PARPBP: variants seen among roughly 807,000 people sequenced by gnomAD.
The protein encoded by PARPBP is PCNA-interacting partner.
A neutral mutation model predicts 50.0 loss-of-function variants in PARPBP; 52 were observed. That is an observed-to-expected ratio of 1.04 (90% confidence interval 0.83 to 1.31). The LOEUF (loss-of-function observed/expected upper bound fraction) is 1.31, where lower values mean the gene tolerates loss of function less well. PARPBP is among the 50% of genes most tolerant of loss of function. The pLI is 0.00. For synonymous variants in PARPBP, 244 were observed against 232.1 expected, an observed-to-expected ratio of 1.05 and a Z score of -0.47; for missense variants, 697 against 672.0, an observed-to-expected ratio of 1.04 and a Z score of -0.41.
chr12:102,186,151 A>C (rs958917113), intron 9 of PARPBP, among the ~76,000 whole-genome samples: 1 of 152,070 alleles, frequency 6.6e-6, no homozygotes, highest in African/African-American at 2.4e-5. Context: ...CTGCAATATT[A>C]GTTGTAATGT....
intron 3 of PARPBP, chr12:102,151,565 G>T (rs973460775): frequency 1.1e-5 from 17 of 1,533,574 alleles, no homozygotes; most frequent in Non-Finnish European, 1.4e-5. Flanking sequence ...TGATCTACCT[G>T]GCAGGGGTCA....
chr12:102,148,337 T>A lies in PARPBP; in HGVS notation c.261T>A (p.His87Gln), dbSNP rs773864586. The A allele has an allele frequency of 1.1e-5, 17 of 1,593,772 alleles. No individual in the cohort carries two copies. The highest frequency in any genetic ancestry group is 1.3e-5 in the Non-Finnish European group (15 of 1,161,876). The stretch of plus-strand genomic sequence containing the variant: ...TTGAAAACATGGACGTGACTGACCA[T>A]TATGAGGACGTTAGGAAGATTTATG... ...LPVENMDVTDHYEDVRKIYDD... is the reference protein window; with the variant it reads ...LPVENMDVTDQYEDVRKIYDD... The change falls in exon 3 of 11, where the codon CAT (histidine) becomes CAA (glutamine). Residue 87 changes from histidine (H) to glutamine (Q), a missense_variant. Coordinates refer to ENST00000327680, the MANE Select transcript of PARPBP (RefSeq NM_017915.5).
intron 1 of PARPBP, among the ~76,000 whole-genome samples, chr12:102,121,523 T>C: frequency 6.6e-6 from 1 of 151,760 alleles, no homozygotes; most frequent in African/African-American, 2.4e-5. Flanking sequence ...GACTCTTGGT[T>C]TTCTGTCACC....
At chr12:102,121,011 T>G (rs952061239) in intron 1 of PARPBP, among the ~76,000 whole-genome samples, 1 of 152,232 alleles carries the variant, frequency 6.6e-6, no homozygotes, top group African/African-American at 2.4e-5. Flanking sequence ...CGCTGCTGCC[T>G]TTGGCTACTG....
At chr12:102,146,726 TTAAAC>T (rs1289621676) in intron 2 of PARPBP, among the ~76,000 whole-genome samples, 1 of 152,028 alleles carries the variant, frequency 6.6e-6, no homozygotes, top group Non-Finnish European at 1.5e-5. Context: ...TGGGATCTAA[TTAAAC>T]TAAAGAGCTT....
chr12:102,125,699 G>A (rs548608360), intron 2 of PARPBP, among the ~76,000 whole-genome samples: 51 of 152,252 alleles, frequency 3.3e-4, no homozygotes, highest in Non-Finnish European at 6.6e-4. Context: ...GGGTTAAAAC[G>A]GTGAGCAAAA....
At chr12:102,160,533 G>T (rs1360838806) in intron 4 of PARPBP, among the ~76,000 whole-genome samples, 1 of 152,134 alleles carries the variant, frequency 6.6e-6, no homozygotes, top group Non-Finnish European at 1.5e-5. Context: ...GATGTCAAAG[G>T]AATACAAAGA....
rs779287330 is a variant in PARPBP at position 102,195,307 on chromosome 12, A to G, written c.1264-5A>G. On this transcript the variant is annotated splice_region_variant and splice_polypyrimidine_tract_variant and intron_variant, in intron 9 of 10. Coordinates refer to ENST00000327680, the MANE Select transcript of PARPBP (RefSeq NM_017915.5). ...GCATATTTTCTTCTTTCTTTCTGTT[A>G]CTAGATGAAGCAAACTTTAATTAGA... 3.3e-6 allele frequency: 5 copies of G among 1,504,956 alleles called. No homozygotes were observed. The highest frequency in any genetic ancestry group is 4.5e-6 in the Non-Finnish European group (5 of 1,101,310). 93.2% of individuals were successfully genotyped at this position (1,504,956 alleles called of 1,614,324 possible).
chr12:102,197,132 G>T lies in PARPBP; in HGVS notation c.*841G>T. 1 of 1,612,070 alleles carries T rather than the reference G, an allele frequency of 6.2e-7. No homozygotes were observed. The highest frequency in any genetic ancestry group is 8.5e-7 in the Non-Finnish European group (1 of 1,178,604). ...TAAGGTTTTATAGCCAGATTCAGTG[G>T]CAGACCATGATTTAAGAAATTATGT... is the stretch of plus-strand genomic sequence containing the variant. On this transcript the variant is annotated 3_prime_UTR_variant, in exon 11 of 11. Coordinates refer to ENST00000327680, the MANE Select transcript of PARPBP (RefSeq NM_017915.5).
intron 9 of PARPBP, among the ~76,000 whole-genome samples, chr12:102,187,571 T>C (rs2137187482): frequency 6.6e-6 from 1 of 152,234 alleles, no homozygotes; most frequent in East Asian, 1.9e-4. Context: ...GTATATACAA[T>C]ATGTAATAAA....
intron 4 of PARPBP, 126 bp downstream of exon 4, chr12:102,154,102 A>G (rs1048311848): frequency 4.8e-5 from 28 of 583,878 alleles, no homozygotes; most frequent in Non-Finnish European, 8.2e-5. Context: ...TATGTTTAAA[A>G]CTGTATTCGC....
intron 2 of PARPBP, among the ~76,000 whole-genome samples, chr12:102,132,405 T>C (rs1883006119): frequency 6.6e-6 from 1 of 152,212 alleles, no homozygotes; most frequent in African/African-American, 2.4e-5. Context: ...ATTTATTGAT[T>C]AGACTGTTCT....
Position 102,123,582 on chromosome 12 carries a change from A to G in PARPBP, c.-3-304A>G, listed in dbSNP as rs141908765. Among the ~76,000 whole-genome samples, 38 of 151,268 alleles carry G rather than the reference A, an allele frequency of 2.5e-4. No homozygotes were observed. In the East Asian group the frequency reaches 5.6e-3, roughly 22 times the overall value. ...TATTTAAATACAGCTTTAATTAGGT[A>G]TATTTGTAATTATAAGTTTGCAGTA... On this transcript the variant is annotated intron_variant, in intron 1 of 10. Coordinates refer to ENST00000327680, the MANE Select transcript of PARPBP (RefSeq NM_017915.5).
chr12:102,143,078 C>T (rs977522473), intron 2 of PARPBP, among the ~76,000 whole-genome samples: 17 of 152,178 alleles, frequency 1.1e-4, no homozygotes, highest in South Asian at 6.2e-4. Flanking sequence ...AGCTATGCCC[C>T]GCCCTCAGAG....
At chr12:102,136,568 CTTTCTACTTGCTAAT>C (rs1172141546) in intron 2 of PARPBP, among the ~76,000 whole-genome samples, 1 of 152,194 alleles carries the variant, frequency 6.6e-6, no homozygotes, top group African/African-American at 2.4e-5. Context: ...CTCAGTGTCT[CTTTCTACTTGCTAAT>C]TTTCTACTTG....
At chr12:102,126,675 T>C (rs1336679384) in intron 2 of PARPBP, among the ~76,000 whole-genome samples, 1 of 152,128 alleles carries the variant, frequency 6.6e-6, no homozygotes, top group Non-Finnish European at 1.5e-5. Flanking sequence ...TAGTCCCAGC[T>C]ACTCGGGAGG....
At chr12:102,150,804 AAAT>A (rs1886087958) in intron 3 of PARPBP, among the ~76,000 whole-genome samples, 1 of 152,210 alleles carries the variant, frequency 6.6e-6, no homozygotes, top group Admixed American at 6.6e-5. Flanking sequence ...GAAGGTCAGC[AAAT>A]GACCTCTGTA....
chr12:102,178,889 GTTAA>G (rs1889559843), intron 8 of PARPBP, 119 bp downstream of exon 8: 3 of 599,416 alleles, frequency 5.0e-6, no homozygotes, highest in Non-Finnish European at 8.3e-6. Context: ...GAAAATAAAA[GTTAA>G]TTAAAGGGAG....
At chr12:102,185,108 A>G (rs1890188383) in intron 9 of PARPBP, among the ~76,000 whole-genome samples, 1 of 152,198 alleles carries the variant, frequency 6.6e-6, no homozygotes. Context: ...TGCTCCTGCG[A>G]TCACAAAAGT....
Sources: gnomAD v4.1 joint callset for allele counts (sites outside exome capture counted in the v4.1 genomes callset) on GRCh38, gnomAD v4.1.1 for gene constraint, MANE v1.5 for transcripts, NCBI Gene and HGNC (gene_info 2026-07-23, HGNC 2026-07-21) for gene names.